DZIP1: variants seen among roughly 807,000 people sequenced by gnomAD.
DZIP1 encodes the protein cilium assembly protein DZIP1.
A neutral mutation model predicts 107.6 loss-of-function variants in DZIP1; 97 were observed. That is an observed-to-expected ratio of 0.90 (90% CI 0.77 to 1.07). The LOEUF (loss-of-function observed/expected upper bound fraction) is 1.07. Ranked by LOEUF, DZIP1 falls within the 50% of genes least tolerant of loss-of-function variation. The pLI, the probability that DZIP1 is intolerant of heterozygous loss-of-function variation, is 0.00. For missense variants in DZIP1, 1,035 were observed against 1,063.6 expected, an observed-to-expected ratio of 0.97 and a Z score of 0.37; for synonymous variants, 390 against 386.4, an observed-to-expected ratio of 1.01 and a Z score of -0.11.
intron 13 of DZIP1, among the ~76,000 whole-genome samples, chr13:95,607,366 A>G (rs1304302870): frequency 6.6e-6 from 1 of 152,210 alleles, no homozygotes; most frequent in Non-Finnish European, 1.5e-5. Flanking sequence ...TTCTATAGGT[A>G]TGCATTTTTT....
At chr13:95,631,450 G>A (rs534788205) in intron 6 of DZIP1, among the ~76,000 whole-genome samples, 12 of 152,070 alleles carry the variant, frequency 7.9e-5, no homozygotes, top group Non-Finnish European at 1.6e-4. Flanking sequence ...TTGGGCCACA[G>A]GGGGAGATTC....
chr13:95,639,291 T>C (rs1319540826), intron 5 of DZIP1, among the ~76,000 whole-genome samples: 2 of 152,144 alleles, frequency 1.3e-5, no homozygotes, highest in African/African-American at 4.8e-5. Flanking sequence ...ATCATTCACA[T>C]TTGAAAATCT....
chr13:95,586,839 C>T (rs888481359), intron 20 of DZIP1, among the ~76,000 whole-genome samples: 2 of 152,208 alleles, frequency 1.3e-5, no homozygotes, highest in East Asian at 3.9e-4. Context: ...CTCTACTTCT[C>T]GTCAGCAAAT....
At chr13:95,593,195 TATC>T (rs1362977189) in intron 16 of DZIP1, among the ~76,000 whole-genome samples, 9 of 152,192 alleles carry the variant, frequency 5.9e-5, no homozygotes, top group Non-Finnish European at 1.3e-4. Flanking sequence ...TGTATACACA[TATC>T]ATATACACAA....
intron 16 of DZIP1, among the ~76,000 whole-genome samples, chr13:95,592,766 C>T (rs910173817): frequency 2.0e-5 from 3 of 152,122 alleles, no homozygotes; most frequent in South Asian, 2.1e-4. Flanking sequence ...TATATTCACA[C>T]AATAGAATGC....
intron 22 of DZIP1, 143 bp from the exon 23 acceptor site, chr13:95,582,456 C>T (rs1216185875): frequency 2.8e-6 from 2 of 717,734 alleles, no homozygotes; most frequent in African/African-American, 3.5e-5. Flanking sequence ...TCCCAACCCT[C>T]ATGAGCTATG....
chr13:95,622,100 T>C (rs1875939032), intron 9 of DZIP1, among the ~76,000 whole-genome samples: 1 of 152,206 alleles, frequency 6.6e-6, no homozygotes, highest in South Asian at 2.1e-4. Flanking sequence ...CCAATTCAAA[T>C]TGACTTTATG....
chr13:95,589,216 A>AG lies in DZIP1; in HGVS notation c.1974-10_1974-9insC. On this transcript the variant is annotated splice_polypyrimidine_tract_variant and intron_variant, in intron 18 of 22. Transcript: ENST00000376829. ...TGACATTTTTCTTAATTCTAAAAAA[A>AG]CAACAGAAAAATATTTTTAAATTGC... 1 of 1,570,836 alleles carries AG rather than the reference A, an allele frequency of 6.4e-7. No individual in the cohort carries two copies. The highest frequency in any genetic ancestry group is 8.7e-7 in the Non-Finnish European group (1 of 1,148,698).
chr13:95,616,262 C>T (rs893891537), intron 10 of DZIP1, among the ~76,000 whole-genome samples: 4 of 152,178 alleles, frequency 2.6e-5, no homozygotes, highest in African/African-American at 9.7e-5. Flanking sequence ...AGGGTGGAAA[C>T]GTGGACTAGT....
At chr13:95,608,695 A>G (rs1373310493) in intron 13 of DZIP1, among the ~76,000 whole-genome samples, 2 of 152,212 alleles carry the variant, frequency 1.3e-5, no homozygotes, top group African/African-American at 4.8e-5. Context: ...GCCTCCAAGA[A>G]GACTGAGAGG....
Position 95,641,989 on chromosome 13 carries a change from C to T in DZIP1, c.36+5G>A. On this transcript the variant is annotated splice_donor_5th_base_variant and intron_variant, in intron 4 of 22. Coordinates refer to ENST00000376829, the MANE Select transcript of DZIP1 (RefSeq NM_198968.4). This position sits in a 1 kb window ranked among gnomAD's most constrained non-coding sequence, Gnocchi z 4.3. ...TCGGGGGCGCCCCGGCCTCCCGCCT[C>T]TTACCATGCTTGAAAACCAATCCGC... is the stretch of plus-strand genomic sequence containing the variant. 2.5e-6 allele frequency: 4 copies of T among 1,579,602 alleles called. No individual in the cohort carries two copies. The highest frequency in any genetic ancestry group is 3.4e-6 in the Non-Finnish European group (4 of 1,167,946).
chr13:95,608,870 G>T (rs2044878368), intron 13 of DZIP1, among the ~76,000 whole-genome samples: 1 of 152,206 alleles, frequency 6.6e-6, no homozygotes, highest in Non-Finnish European at 1.5e-5. Context: ...TCAGATCCCT[G>T]TGCACATGGC....
intron 18 of DZIP1, 90 bp downstream of exon 18, chr13:95,589,712 CT>C (rs1235973423): frequency 6.7e-7 from 1 of 1,488,168 alleles, no homozygotes. Flanking sequence ...AAATAAATTT[CT>C]GTGAAGCCAC....
intron 14 of DZIP1, among the ~76,000 whole-genome samples, chr13:95,605,093 A>T (rs535937909): frequency 5.1e-4 from 78 of 152,224 alleles, no homozygotes; most frequent in Non-Finnish European, 9.7e-4. Context: ...GGTGCAATAA[A>T]CACTTCAAGA....
At chr13:95,642,583 A>G (rs572319017) in intron 3 of DZIP1, among the ~76,000 whole-genome samples, 1 of 152,346 alleles carries the variant, frequency 6.6e-6, no homozygotes, top group East Asian at 1.9e-4. Flanking sequence ...TAAAATATAT[A>G]TAATTAAATG....
chr13:95,599,550 T>C (rs2044554206), intron 14 of DZIP1, 126 bp from the exon 15 acceptor site: 1 of 808,054 alleles, frequency 1.2e-6, no homozygotes, highest in South Asian at 1.7e-5. Flanking sequence ...AGCAAGAATT[T>C]ACTGAGGAAA....
At chr13:95,622,529 T>C in intron 8 of DZIP1, 49 bp from the exon 9 acceptor site, 3 of 1,607,404 alleles carry the variant, frequency 1.9e-6, no homozygotes, top group Non-Finnish European at 1.7e-6. Context: ...TTTCATAAGA[T>C]GGAAACAGAG....
intron 5 of DZIP1, among the ~76,000 whole-genome samples, chr13:95,638,085 C>CTTTT (rs57203833): frequency 1.7e-4 from 15 of 88,644 alleles, no homozygotes; most frequent in African/African-American, 3.7e-4. Context: ...TGAGTTCAAT[C>CTTTT]TTTTTTTTTT....
At chr13:95,643,357 G>A (rs1017274500) in intron 2 of DZIP1, 100 bp from the exon 3 acceptor site, 30 of 152,266 alleles carry the variant, frequency 2.0e-4, no homozygotes, top group African/African-American at 7.0e-4. Flanking sequence ...TCAAGATATT[G>A]TTAACTAGAA....
Sources: gnomAD v4.1 joint callset for allele counts (sites outside exome capture counted in the v4.1 genomes callset) on GRCh38, gnomAD v4.1.1 for gene constraint, Gnocchi (gnomAD v3.1) non-coding constraint, MANE v1.5 for transcripts, NCBI Gene and HGNC (gene_info 2026-07-23, HGNC 2026-07-21) for gene names.